The following PPP1R16B variants were observed in gnomAD, a reference collection of about 807,000 sequenced individuals.
PPP1R16B encodes the protein protein phosphatase 1 regulatory inhibitor subunit 16B.
PPP1R16B carries 14 observed loss-of-function variants against 61.7 expected under a neutral mutation model. That is an observed-to-expected ratio of 0.23 (90% CI 0.15 to 0.35). The LOEUF is 0.35. Among genes scored for constraint, PPP1R16B ranks in the 10% least tolerant of loss-of-function variants. The pLI, the probability that PPP1R16B is intolerant of heterozygous loss-of-function variation, is 1.00. For synonymous variants in PPP1R16B, 266 were observed against 305.3 expected (o/e 0.87, Z 1.34); for missense variants, 547 against 752.5 (o/e 0.73, Z 3.19).
At chr20:38,902,229 G>A (rs545914585) in intron 5 of PPP1R16B, among the ~76,000 whole-genome samples, 14 of 152,294 alleles carry the variant, frequency 9.2e-5, no homozygotes, top group East Asian at 3.9e-4. Flanking sequence ...TTGATTGAGC[G>A]TTGTGCCAGG....
chr20:38,882,462 C>G (rs147975289), intron 2 of PPP1R16B, among the ~76,000 whole-genome samples: 1 of 152,290 alleles, frequency 6.6e-6, no homozygotes, highest in East Asian at 1.9e-4. Context: ...CTCACTGCAG[C>G]CTCGAACTCC....
chr20:38,853,458 C>G (rs1034832707), intron 2 of PPP1R16B, among the ~76,000 whole-genome samples: 10 of 152,136 alleles, frequency 6.6e-5, no homozygotes, highest in Non-Finnish European at 1.3e-4. Flanking sequence ...AAATGAAACC[C>G]AAATCTTGAT....
intron 1 of PPP1R16B, among the ~76,000 whole-genome samples, chr20:38,829,980 C>T (rs2084827209): frequency 6.6e-6 from 1 of 152,218 alleles, no homozygotes; most frequent in South Asian, 2.1e-4. Context: ...TTTTACTGGC[C>T]CTTGGGAGAC....
intron 10 of PPP1R16B, among the ~76,000 whole-genome samples, chr20:38,917,411 G>A (rs2085551225): frequency 6.6e-6 from 1 of 151,704 alleles, no homozygotes; most frequent in African/African-American, 2.4e-5. Context: ...TTTTGACCTT[G>A]TTCCCTGTTC....
intron 1 of PPP1R16B, among the ~76,000 whole-genome samples, chr20:38,817,999 G>C (rs2084749875): frequency 6.6e-6 from 1 of 152,240 alleles, no homozygotes; most frequent in South Asian, 2.1e-4. Flanking sequence ...AGCTGAGATT[G>C]TGCCACTGCA....
chr20:38,860,551 G>A (rs2085042284), intron 2 of PPP1R16B, among the ~76,000 whole-genome samples: 1 of 152,236 alleles, frequency 6.6e-6, no homozygotes, highest in South Asian at 2.1e-4. Context: ...CAGGTTGGAG[G>A]TGGAGATTGC....
rs544886460 is a variant in PPP1R16B at position 38,899,099 on chromosome 20, G to T, written c.468-1482G>T. Among the ~76,000 whole-genome samples, 81 of 152,304 alleles carry T rather than the reference G, an allele frequency of 5.3e-4. 1 individual carries two copies. In the South Asian group the frequency reaches 0.011, roughly 20 times the overall value. On this transcript the variant is annotated intron_variant, in intron 4 of 10. Coordinates refer to ENST00000299824, the MANE Select transcript of PPP1R16B (RefSeq NM_015568.4). Reference sequence around the variant, plus strand: ...CCTTTTGCACTGGTCTTGGCAGAGCGGCAGGAGCCCATCGTTGGCTCCCGG... The same window carrying T: ...CCTTTTGCACTGGTCTTGGCAGAGCTGCAGGAGCCCATCGTTGGCTCCCGG...
intron 4 of PPP1R16B, among the ~76,000 whole-genome samples, chr20:38,897,472 T>C (rs958784115): frequency 3.9e-5 from 6 of 152,246 alleles, no homozygotes; most frequent in Non-Finnish European, 2.9e-5. Flanking sequence ...CCATTGTATG[T>C]CTATACCACG....
chr20:38,823,897 G>A (rs1178988230), intron 1 of PPP1R16B, among the ~76,000 whole-genome samples: 1 of 152,034 alleles, frequency 6.6e-6, no homozygotes, highest in African/African-American at 2.4e-5. Flanking sequence ...TCATGCCTCC[G>A]TGGCTCATCT....
rs1466013588 is a variant in PPP1R16B, at chr20:38,865,112, C to T, written c.251-24483C>T. ...TGGAGTATGAGGCAAATTCTACCCA[C>T]GTCCAGGCCCAAGTGTTAGATGATC... On this transcript the variant is annotated intron_variant, in intron 2 of 10. Coordinates refer to ENST00000299824, the MANE Select transcript of PPP1R16B (RefSeq NM_015568.4). Among the ~76,000 whole-genome samples, 8 of 152,120 alleles carry T rather than the reference C, an allele frequency of 5.3e-5. 1 individual carries two copies. In the South Asian group the frequency reaches 1.5e-3, roughly 28 times the overall value.
chr20:38,841,440 A>T (rs1271462524), intron 2 of PPP1R16B, among the ~76,000 whole-genome samples: 1 of 150,348 alleles, frequency 6.7e-6, no homozygotes, highest in Non-Finnish European at 1.5e-5. Context: ...AGGCAGGAGG[A>T]TCGCTTGAAT....
intron 2 of PPP1R16B, among the ~76,000 whole-genome samples, chr20:38,852,213 T>G (rs1440824429): frequency 6.6e-6 from 1 of 152,202 alleles, no homozygotes; most frequent in Non-Finnish European, 1.5e-5. Context: ...AAAGGGGACT[T>G]CAACCCATCT....
At chr20:38,917,141 C>G (rs915291547) in intron 10 of PPP1R16B, among the ~76,000 whole-genome samples, 2 of 151,950 alleles carry the variant, frequency 1.3e-5, no homozygotes, top group African/African-American at 4.8e-5. Context: ...TACAAAAATA[C>G]AAAAATTTGC....
chr20:38,886,020 C>T (rs770208944), intron 2 of PPP1R16B, among the ~76,000 whole-genome samples: 24 of 152,238 alleles, frequency 1.6e-4, no homozygotes, highest in Non-Finnish European at 3.1e-4. Flanking sequence ...AAGTGATCCA[C>T]ATGCCTTGGC....
intron 2 of PPP1R16B, among the ~76,000 whole-genome samples, chr20:38,842,166 C>G (rs1346864394): frequency 1.1e-4 from 16 of 152,168 alleles, no homozygotes; most frequent in Admixed American, 1.0e-3. Context: ...TTCTCCGAAG[C>G]CCATGTATTT....
rs1365608483 is a variant in PPP1R16B at position 38,918,450 on chromosome 20, C to T, written c.1488C>T (p.Pro496=). Reference sequence around the variant, plus strand: ...CTGCAGCCAAGCTGCTCAGCCACCCCTTCCTTAGCACACACCTGGGCAGCA... The same window carrying T: ...CTGCAGCCAAGCTGCTCAGCCACCCTTTCCTTAGCACACACCTGGGCAGCA... ...QRAAAKLLSH[P]FLSTHLGSSM... The change falls in exon 11 of 11, where the codon CCC becomes CCT. Residue 496 remains proline (P), a synonymous_variant. Coordinates refer to ENST00000299824, the MANE Select transcript of PPP1R16B (RefSeq NM_015568.4). The surrounding 1 kb of genome is among the most constrained non-coding windows in gnomAD (Gnocchi z 5.3). 1.9e-6 allele frequency: 3 copies of T among 1,614,174 alleles called. No homozygotes were observed. Among genetic ancestry groups the T allele is most frequent in the Admixed American group, 3.3e-5 (2 of 60,030 alleles).
At chr20:38,807,006 CCAGCTCTCCGCGGCT>C in intron 1 of PPP1R16B, among the ~76,000 whole-genome samples, 1 of 152,340 alleles carries the variant, frequency 6.6e-6, no homozygotes, top group Non-Finnish European at 1.5e-5. Context: ...GAAGAGCCCC[CCAGCTCTCCGCGGCT>C]CTGGACACCA....
At chr20:38,911,387 C>T (rs1020562631) in intron 10 of PPP1R16B, among the ~76,000 whole-genome samples, 37 of 144,746 alleles carry the variant, frequency 2.6e-4, no homozygotes, top group African/African-American at 9.0e-4. Context: ...AGGATGGTCT[C>T]GATCTCCTGA....
In PPP1R16B at chr20:38,918,719, G is replaced by A. The variant is rs1601322171; in HGVS notation, c.*53G>A. 2 of 1,479,118 alleles carry A rather than the reference G, an allele frequency of 1.4e-6. No homozygotes were observed. Among genetic ancestry groups the A allele is most frequent in the East Asian group, 4.6e-5 (2 of 43,182 alleles). The allele number at this position is 1,479,118 out of a possible 1,614,324, so 91.6% of individuals were successfully genotyped here. ...CTGGGGAGGGGCTCCTGGAATCCAG[G>A]CCAGCCCAACAGCCCTGGCTGGGGA... On this transcript the variant is annotated 3_prime_UTR_variant, in exon 11 of 11. Coordinates refer to ENST00000299824, the MANE Select transcript of PPP1R16B (RefSeq NM_015568.4). The surrounding 1 kb of genome is among the most constrained non-coding windows in gnomAD (Gnocchi z 5.3).
Sources: gnomAD v4.1 joint callset for allele counts (sites outside exome capture counted in the v4.1 genomes callset) on GRCh38, gnomAD v4.1.1 for gene constraint, Gnocchi (gnomAD v3.1) non-coding constraint, MANE v1.5 for transcripts, NCBI Gene and HGNC (gene_info 2026-07-23, HGNC 2026-07-21) for gene names.